SLC6A11: variants seen among roughly 807,000 people sequenced by gnomAD.
The protein encoded by SLC6A11 is solute carrier family 6 member 11.
SLC6A11 carries 25 observed loss-of-function variants against 74.8 expected under a neutral mutation model. The observed-to-expected ratio is 0.33, with a 90% CI of 0.24 to 0.47. The LOEUF is 0.47. Among genes scored for constraint, SLC6A11 ranks in the 20% least tolerant of loss-of-function variants. The pLI, the probability that SLC6A11 is intolerant of heterozygous loss-of-function variation, is 1.00. For missense variants in SLC6A11, 574 were observed against 837.0 expected (o/e 0.69, Z 3.88); for synonymous variants, 330 against 330.2 (o/e 1.00, Z 0.01).
intron 6 of SLC6A11, among the ~76,000 whole-genome samples, chr3:10,887,504 G>A (rs1695058905): frequency 6.6e-6 from 1 of 152,118 alleles, no homozygotes; most frequent in South Asian, 2.1e-4. Context: ...GGAGTACAAT[G>A]GCCTGATCTC....
At chr3:10,922,829 A>C (rs1487787494) in intron 8 of SLC6A11, among the ~76,000 whole-genome samples, 2 of 152,320 alleles carry the variant, frequency 1.3e-5, no homozygotes, top group Non-Finnish European at 2.9e-5. Flanking sequence ...AACCTATGTA[A>C]CTTTGAGAAA....
At position 10,823,362 on chromosome 3, in the gene SLC6A11, A is replaced by G; in HGVS notation, c.593A>G (p.Asn198Ser). The G allele has an allele frequency of 6.2e-7, 1 of 1,613,688 alleles. No homozygotes were observed. Among genetic ancestry groups the G allele is most frequent in the Admixed American group, 1.7e-5 (1 of 60,028 alleles). Residue 198 changes from asparagine to serine, a missense_variant, in exon 4 of 14, where the codon AAT becomes AGT. Asn to Ser is a conservative substitution (Grantham distance 46). Around this residue, in one of 4 missense-constraint regions of SLC6A11, gnomAD observed 215 missense variants for 357.9 expected, o/e 0.60. Coordinates refer to ENST00000254488, the MANE Select transcript of SLC6A11 (RefSeq NM_014229.3). ...AACTACAGCCATGTGTCTCTGCAGA[A>G]TGCCACCTCCCCTGTCATGGAGTTT... ...VSNYSHVSLQ[N>S]ATSPVMEFWE...
chr3:10,892,976 G>A (rs754255358), intron 6 of SLC6A11, among the ~76,000 whole-genome samples: 4 of 152,148 alleles, frequency 2.6e-5, no homozygotes, highest in Non-Finnish European at 4.4e-5. Context: ...CTTCCAGAAC[G>A]TGAACATTTT....
At chr3:10,837,919 T>C (rs9812379) in intron 4 of SLC6A11, among the ~76,000 whole-genome samples, 21,645 of 152,310 alleles carry the variant, frequency 0.14, 1,762 homozygotes, top group South Asian at 0.21. Context: ...GCCAGCTCCC[T>C]TGGCGGGGGC....
chr3:10,873,946 T>TG (rs1694874570), intron 5 of SLC6A11, among the ~76,000 whole-genome samples: 14 of 150,864 alleles, frequency 9.3e-5, no homozygotes, highest in Admixed American at 9.2e-4. Flanking sequence ...TGCTATGCTA[T>TG]CCTATGCTAT....
At chr3:10,855,851 G>A (rs1694633036) in intron 5 of SLC6A11, among the ~76,000 whole-genome samples, 3 of 152,208 alleles carry the variant, frequency 2.0e-5, no homozygotes, top group Admixed American at 6.5e-5. Flanking sequence ...ACAATGACCA[G>A]AAAGCTAACC....
intron 5 of SLC6A11, among the ~76,000 whole-genome samples, chr3:10,862,580 T>A (rs1694714997): frequency 6.6e-6 from 1 of 152,220 alleles, no homozygotes; most frequent in Admixed American, 6.5e-5. Flanking sequence ...GGAGGTGATT[T>A]TTCCCAACCT....
intron 6 of SLC6A11, among the ~76,000 whole-genome samples, chr3:10,908,310 G>A (rs1313590753): frequency 6.6e-6 from 1 of 152,182 alleles, no homozygotes; most frequent in African/African-American, 2.4e-5. Flanking sequence ...TAGTGGGTAG[G>A]GAGGGAAGAC....
intron 6 of SLC6A11, among the ~76,000 whole-genome samples, chr3:10,896,899 T>C (rs1994260): frequency 0.19 from 28,619 of 152,192 alleles, 3,349 homozygotes; most frequent in Middle Eastern, 0.3. Context: ...TTCACGTTGC[T>C]GATAAACACA....
intron 6 of SLC6A11, among the ~76,000 whole-genome samples, chr3:10,889,962 C>T (rs923245940): frequency 6.6e-6 from 1 of 152,168 alleles, no homozygotes; most frequent in Non-Finnish European, 1.5e-5. Context: ...ATCCCTTCAA[C>T]AATTTCCACT....
chr3:10,931,139 A>C (rs890591932), intron 10 of SLC6A11, among the ~76,000 whole-genome samples: 5 of 152,056 alleles, frequency 3.3e-5, no homozygotes, highest in African/African-American at 4.8e-5. Context: ...CAGACAGATG[A>C]CCTGGGTTCA....
intron 6 of SLC6A11, among the ~76,000 whole-genome samples, chr3:10,881,603 G>A (rs115138987): frequency 0.012 from 1,851 of 152,294 alleles, 17 homozygotes; most frequent in Non-Finnish European, 0.02. Flanking sequence ...GCCTGCCATC[G>A]TGCTCCAGTA....
intron 6 of SLC6A11, among the ~76,000 whole-genome samples, chr3:10,908,322 A>T (rs1412836771): frequency 6.6e-6 from 1 of 152,198 alleles, no homozygotes; most frequent in African/African-American, 2.4e-5. Context: ...AGGGAAGACA[A>T]ATGGAGGCTG....
chr3:10,831,301 T>G (rs560536941), intron 4 of SLC6A11, among the ~76,000 whole-genome samples: 87 of 152,192 alleles, frequency 5.7e-4, no homozygotes, highest in Non-Finnish European at 1.1e-3. Flanking sequence ...TTTTGCGATA[T>G]GACCTCACTA....
chr3:10,851,117 C>T (rs1412641539), intron 5 of SLC6A11, among the ~76,000 whole-genome samples: 2 of 152,086 alleles, frequency 1.3e-5, no homozygotes, highest in Non-Finnish European at 2.9e-5. Flanking sequence ...CTACACCCTC[C>T]CCAGCTGGCT....
rs182331291 is a variant in SLC6A11 at position 10,866,778 on chromosome 3, T to G, written c.757-8183T>G. ...TTAAAACAGAAAGTTTTCCCCTACA[T>G]TTACTATTTCTGTTAGAATGTTCTA... On this transcript the variant is annotated intron_variant, in intron 5 of 13. Transcript: ENST00000254488. Among the ~76,000 whole-genome samples the G allele has an allele frequency of 6.6e-5, 10 of 152,322 alleles. No individual in the cohort carries two copies. The East Asian group carries it at 1.7e-3, about 26-fold the overall frequency.
At chr3:10,923,567 G>A (rs1166266382) in intron 8 of SLC6A11, among the ~76,000 whole-genome samples, 4 of 152,114 alleles carry the variant, frequency 2.6e-5, no homozygotes, top group Admixed American at 2.6e-4. Flanking sequence ...CCTTGGAGAA[G>A]AATTATAATT....
chr3:10,886,822 A>AT lies in SLC6A11; in HGVS notation c.891+11727_891+11728insT, dbSNP rs201232320. On this transcript the variant is annotated intron_variant, in intron 6 of 13. Coordinates refer to ENST00000254488, the MANE Select transcript of SLC6A11 (RefSeq NM_014229.3). ...GACTCCATCTCAAAAAAAAAAAAAA[A>AT]AAATCTCTCCCTAGACCCTATGACC... Among the ~76,000 whole-genome samples, 804 of 152,188 alleles carry AT rather than the reference A, an allele frequency of 5.3e-3. 6 individuals carry two copies. The highest frequency in any genetic ancestry group is 0.018 in the African/African-American group (766 of 41,492).
intron 10 of SLC6A11, among the ~76,000 whole-genome samples, chr3:10,931,074 A>G (rs187710875): frequency 6.6e-6 from 1 of 152,276 alleles, no homozygotes; most frequent in East Asian, 1.9e-4. Context: ...ATAGGCCACA[A>G]ACTTCTTTTC....
Sources: allele counts gnomAD v4.1 joint callset (sites outside exome capture counted in the v4.1 genomes callset), GRCh38; gene constraint gnomAD v4.1.1; regional missense constraint gnomAD v4.1.1; transcripts MANE v1.5; gene names NCBI Gene and HGNC (gene_info 2026-07-23, HGNC 2026-07-21).